Variants in CIMIP2B observed in about 807,000 individuals in gnomAD.
CIMIP2B encodes family with sequence similarity 166 member B.
At chr9:35,563,328 C>G in the CIMIP2B span, 3 of 1,613,804 alleles carry the variant, frequency 1.9e-6, no homozygotes, top group Admixed American at 1.7e-5. Context: ...AGTAGCTGAC[C>G]AGTCACCTGC....
At chr9:35,563,128 C>G in the CIMIP2B span, 1 of 1,613,178 alleles carries the variant, frequency 6.2e-7, no homozygotes, top group Admixed American at 1.7e-5. Context: ...GGAACACATG[C>G]TCCTGGGAGG....
At chr9:35,563,494 A>G in the CIMIP2B span, 4 of 901,338 alleles carry the variant, frequency 4.4e-6, no homozygotes, top group Admixed American at 9.0e-5. Context: ...TCAGCAGTGT[A>G]TATATTTGGA....
At chr9:35,562,312 C>T in the CIMIP2B span, 3 of 1,320,772 alleles carry the variant, frequency 2.3e-6, no homozygotes, top group Non-Finnish European at 3.0e-6. Context: ...CACAAACCAC[C>T]CAACCCACCC....
chr9:35,562,818 C>A, the CIMIP2B span: 1 of 1,611,578 alleles, frequency 6.2e-7, no homozygotes. Flanking sequence ...TGCCCGGACA[C>A]ACAGTAAGAC....
chr9:35,562,700 C>T, the CIMIP2B span: 4 of 1,613,548 alleles, frequency 2.5e-6, no homozygotes, highest in Admixed American at 1.7e-5. Flanking sequence ...TAGGGAGAAG[C>T]CTGTGAGAGA....
the CIMIP2B span, chr9:35,563,693 C>CT: frequency 7.0e-7 from 1 of 1,428,352 alleles, no homozygotes; most frequent in South Asian, 1.2e-5. Flanking sequence ...GCCCCATGCT[C>CT]TAAGCAGCTT....
chr9:35,562,094 C>G, the CIMIP2B span: 54 of 1,529,764 alleles, frequency 3.5e-5, no homozygotes, highest in Non-Finnish European at 4.4e-5. Context: ...GGAACTTATA[C>G]CCTGTGTGGC....
the CIMIP2B span, chr9:35,562,908 C>G: frequency 6.2e-7 from 1 of 1,613,922 alleles, no homozygotes; most frequent in Non-Finnish European, 8.5e-7. Flanking sequence ...GCTCCTCCAG[C>G]TGCCCCTCCG....
chr9:35,561,919 A>ACCCCC, the CIMIP2B span: 2 of 109,272 alleles, frequency 1.8e-5, no homozygotes, highest in Non-Finnish European at 3.7e-5. Flanking sequence ...GTGTTCCCCC[A>ACCCCC]CCCTCCCACC....
the CIMIP2B span, chr9:35,562,648 C>T: frequency 6.2e-7 from 1 of 1,613,408 alleles, no homozygotes; most frequent in South Asian, 1.1e-5. Flanking sequence ...CCAGCTCTCA[C>T]CTGACATGAA....
the CIMIP2B span, chr9:35,563,250 T>C: frequency 1.9e-6 from 3 of 1,613,858 alleles, no homozygotes; most frequent in African/African-American, 1.3e-5. Context: ...TCAGGAGATC[T>C]TGGAGGCCGA....
the CIMIP2B span, chr9:35,563,780 G>A: frequency 6.2e-7 from 1 of 1,613,920 alleles, no homozygotes; most frequent in Non-Finnish European, 8.5e-7. Flanking sequence ...GGGATATAAT[G>A]AGGGTTCTGA....
At chr9:35,563,025 G>A in the CIMIP2B span, 1,258 of 1,613,878 alleles carry the variant, frequency 7.8e-4, 2 homozygotes, top group Non-Finnish European at 9.7e-4. Flanking sequence ...TCAGAGCCTC[G>A]GCCCAGACCT....
the CIMIP2B span, chr9:35,562,974 C>T: frequency 1.9e-6 from 3 of 1,614,024 alleles, no homozygotes; most frequent in Non-Finnish European, 8.5e-7. Flanking sequence ...CCTTTGGTAG[C>T]TCTTCACTCC....
chr9:35,562,041 C>G, the CIMIP2B span: 112 of 1,533,946 alleles, frequency 7.3e-5, no homozygotes, highest in Non-Finnish European at 9.5e-5. Flanking sequence ...GGTGCTGAGG[C>G]CCAGAGCATC....
At chr9:35,562,289 T>C in the CIMIP2B span, 1 of 1,162,982 alleles carries the variant, frequency 8.6e-7, no homozygotes, top group South Asian at 1.7e-5. Context: ...CCATATCTAT[T>C]AGTTTCAACC....
At chr9:35,563,110 T>C in the CIMIP2B span, 20 of 1,613,394 alleles carry the variant, frequency 1.2e-5, no homozygotes, top group African/African-American at 2.7e-4. Context: ...GAAGACTCGT[T>C]AGTGTTTGGA....
chr9:35,562,391 C>T, the CIMIP2B span: 6 of 1,487,324 alleles, frequency 4.0e-6, no homozygotes, highest in South Asian at 2.8e-5. Flanking sequence ...TGGCACGTAG[C>T]CCCCATAGTT....
the CIMIP2B span, chr9:35,563,764 T>A: frequency 6.2e-7 from 1 of 1,613,578 alleles, no homozygotes. Flanking sequence ...GTGGGAGTCT[T>A]ACCCTGGGAT....
Sources: gnomAD v4.1 joint callset for allele counts on GRCh38, gnomAD v4.1.1 for gene constraint, MANE v1.5 for transcripts, NCBI Gene and HGNC (gene_info 2026-07-23, HGNC 2026-07-21) for gene names.